Variants in SERPINA10 observed in about 807,000 individuals in gnomAD.
The protein encoded by SERPINA10 is protein Z-dependent protease inhibitor.
Under a neutral mutation model 28.0 loss-of-function variants are expected in SERPINA10, and 24 were observed. The ratio of observed to expected loss-of-function variants is 0.86; its 90% CI spans 0.62 to 1.20. The LOEUF is 1.20. SERPINA10 is among the 50% of genes most tolerant of loss of function. The pLI is 0.00. For synonymous variants in SERPINA10, 207 were observed against 203.9 expected (o/e 1.02, Z -0.13); for missense variants, 521 against 537.7 (o/e 0.97, Z 0.31).
At chr14:94,292,757 T>C in intron 1 of SERPINA10, 1 of 695,392 alleles carries the variant, frequency 1.4e-6, no homozygotes, top group Non-Finnish European at 2.6e-6. Context: ...CAGGGGGTGC[T>C]CCTGGACTAG....
At chr14:94,288,842 A>T (rs1016183873) in intron 2 of SERPINA10, among the ~76,000 whole-genome samples, 1 of 152,168 alleles carries the variant, frequency 6.6e-6, no homozygotes, top group African/African-American at 2.4e-5. Flanking sequence ...AATGTTTCCT[A>T]ACAATCCCTG....
Position 94,286,135 on chromosome 14 carries a change from A to G in SERPINA10, c.1116T>C (p.Ala372=), listed in dbSNP as rs1026560598. The G allele has an allele frequency of 6.2e-7, 1 of 1,614,024 alleles. No homozygotes were observed. Among genetic ancestry groups the G allele is most frequent in the Non-Finnish European group, 8.5e-7 (1 of 1,180,024 alleles). Residue 372 remains alanine, a synonymous_variant, in exon 4 of 5, where the codon GCT becomes GCC. Transcript: ENST00000261994. ...TGGATACTTGGAGATTTCTTCCAGT[A>G]GCTGAGAGTTCACTAAGGTCAGCAA... The part of the protein sequence containing the change: ...SPFADLSELS[A]TGRNLQVSRV...
In SERPINA10 at chr14:94,288,268, T is replaced by C. The variant is rs1895071988; in HGVS notation, c.992+18A>G. 6.2e-7 allele frequency: 1 copy of C among 1,612,758 alleles called. No individual in the cohort carries two copies. Among genetic ancestry groups the C allele is most frequent in the South Asian group, 1.1e-5 (1 of 91,022 alleles). On this transcript the variant is annotated intron_variant, in intron 3 of 4. Transcript: ENST00000261994. ...ACAGAAAGGTAGAGTTTGTATAGGGTGTGGGCAAGAGTTGTACCTGGTTTT... is the reference window on the plus strand; with the variant it reads ...ACAGAAAGGTAGAGTTTGTATAGGGCGTGGGCAAGAGTTGTACCTGGTTTT...
In SERPINA10 at chr14:94,282,549, T is replaced by A. The variant is rs1388504931; in HGVS notation, c.*1416A>T. 1 of 152,222 alleles carries A rather than the reference T, an allele frequency of 6.6e-6. No individual in the cohort carries two copies. Among genetic ancestry groups the A allele is most frequent in the Non-Finnish European group, 1.5e-5 (1 of 68,072 alleles). 9.4% of individuals were successfully genotyped at this position (152,222 alleles called of 1,614,324 possible). ...GATGGAAGGAAGAGTAAAAAGGGCTTGGAGACTAGACTCAGGAAAGGTAGG... is the reference window on the plus strand; with the variant it reads ...GATGGAAGGAAGAGTAAAAAGGGCTAGGAGACTAGACTCAGGAAAGGTAGG... On this transcript the variant is annotated 3_prime_UTR_variant, in exon 5 of 5. Transcript: ENST00000261994.
At chr14:94,284,329 G>A (rs1043262078) in intron 4 of SERPINA10, among the ~76,000 whole-genome samples, 173 bp from the exon 5 acceptor site, 2 of 152,186 alleles carry the variant, frequency 1.3e-5, no homozygotes, top group African/African-American at 2.4e-5. Flanking sequence ...ACCAGGGACT[G>A]CCACAGGAGT....
Position 94,289,895 on chromosome 14 carries a change from C to T in SERPINA10, c.699G>A (p.Val233=). 6.2e-7 allele frequency: 1 copy of T among 1,614,030 alleles called. No individual in the cohort carries two copies. The highest frequency in any genetic ancestry group is 1.3e-5 in the African/African-American group (1 of 74,994). The change falls in exon 2 of 5, where the codon GTG becomes GTA. Residue 233 remains valine (V), a synonymous_variant. Transcript: ENST00000261994. ...AAGTACCTTTGAACAAGATGTAATC[C>T]ACAAGAATTAATTTGGTTTCAGGAT... The part of the protein sequence containing the change: ...EINPETKLIL[V]DYILFKGKWL...
Position 94,283,866 on chromosome 14 carries a change from G to A in SERPINA10, c.*99C>T. 1 of 1,211,982 alleles carries A rather than the reference G, an allele frequency of 8.3e-7. No homozygotes were observed. Among genetic ancestry groups the A allele is most frequent in the Non-Finnish European group, 1.2e-6 (1 of 818,110 alleles). 75.1% of individuals were successfully genotyped at this position (1,211,982 alleles called of 1,614,324 possible). ...ACCCTAAACTAGTTAAGAACAAAAG[G>A]AACACTCTCCCCTGCCATCCATTGC... On this transcript the variant is annotated 3_prime_UTR_variant, in exon 5 of 5. Coordinates refer to ENST00000261994, the MANE Select transcript of SERPINA10 (RefSeq NM_001100607.3).
In SERPINA10 at chr14:94,288,391, G is replaced by A. The variant is rs1895077119; in HGVS notation, c.887C>T (p.Ala296Val). The change falls in exon 3 of 5, where the codon GCC (alanine) becomes GTC (valine). Residue 296 changes from alanine to valine, a missense_variant. Coordinates refer to ENST00000261994, the MANE Select transcript of SERPINA10 (RefSeq NM_001100607.3). ...CTCCATGAGGACCACCAGCATGGTGGCATTTCCTTGGTAGGGCAGTTTGAG... is the reference window on the plus strand; with the variant it reads ...CTCCATGAGGACCACCAGCATGGTGACATTTCCTTGGTAGGGCAGTTTGAG... ...HVLKLPYQGN[A>V]TMLVVLMEKM... is the part of the protein sequence containing the mutation. 6.2e-7 allele frequency: 1 copy of A among 1,614,116 alleles called. No individual in the cohort carries two copies.
chr14:94,286,128 T>A lies in SERPINA10; in HGVS notation c.1123A>T (p.Arg375Ter), dbSNP rs772368557. 64 of 1,614,028 alleles carry A rather than the reference T, an allele frequency of 4.0e-5. No homozygotes were observed. Among genetic ancestry groups the A allele is most frequent in the Non-Finnish European group, 5.2e-5 (61 of 1,180,018 alleles). Residue 375 changes from arginine (R) to a stop codon, truncating the protein, a stop_gained, in exon 4 of 5, where the codon AGA becomes TGA. Coordinates refer to ENST00000261994, the MANE Select transcript of SERPINA10 (RefSeq NM_001100607.3). LOFTEE classifies it low-confidence loss of function (END_TRUNC). ...CTTACCCTGGATACTTGGAGATTTC[T>A]TCCAGTAGCTGAGAGTTCACTAAGG... is the stretch of plus-strand genomic sequence containing the variant. ...ADLSELSATG[R>*]NLQVSRVLQR...
rs1595561884 is a variant in SERPINA10, at chr14:94,281,917, T to G, written c.*2048A>C. 6.5e-6 allele frequency: 1 copy of G among 152,672 alleles called. No individual in the cohort carries two copies. The highest frequency in any genetic ancestry group is 1.9e-4 in the East Asian group (1 of 5,152). The allele number at this position is 152,672 out of a possible 1,614,324, so 9.5% of individuals were successfully genotyped here. A position where few individuals can be genotyped will look rare whatever the true frequency, so the allele number is the denominator to read the frequency against. Reference sequence around the variant, plus strand: ...ATTTCATCTCTTAAAAGTGGGAAATTGGACTGGATGCTACTTTATTCCTCT... The same window carrying G: ...ATTTCATCTCTTAAAAGTGGGAAATGGGACTGGATGCTACTTTATTCCTCT... On this transcript the variant is annotated 3_prime_UTR_variant, in exon 5 of 5. Coordinates refer to ENST00000261994, the MANE Select transcript of SERPINA10 (RefSeq NM_001100607.3).
chr14:94,286,200 G>A lies in SERPINA10; in HGVS notation c.1051C>T (p.Leu351=). Residue 351 remains leucine (L), a synonymous_variant, in exon 4 of 5, where the codon CTG becomes TTG. Transcript: ENST00000261994. ...KLDQKYEMHE[L]LRQMGIRRIF... ...CTTCTGATTCCCATCTGCCTAAGCA[G>A]CTCATGCATCTCATACTTCTGATCT... is the stretch of plus-strand genomic sequence containing the variant. The A allele has an allele frequency of 6.2e-7, 1 of 1,614,080 alleles. No homozygotes were observed.
At chr14:94,284,464 C>T (rs1894973841) in intron 4 of SERPINA10, among the ~76,000 whole-genome samples, 1 of 152,196 alleles carries the variant, frequency 6.6e-6, no homozygotes, top group Admixed American at 6.5e-5. Flanking sequence ...GTAATTTATG[C>T]TACTAATTCT....
At chr14:94,292,301 G>A (rs927391767) in intron 1 of SERPINA10, among the ~76,000 whole-genome samples, 3 of 152,180 alleles carry the variant, frequency 2.0e-5, no homozygotes, top group South Asian at 2.1e-4. Flanking sequence ...GGGAGGACAC[G>A]GTGCGAAGGT....
intron 4 of SERPINA10, among the ~76,000 whole-genome samples, chr14:94,284,416 C>G (rs1384288888): frequency 6.6e-6 from 1 of 152,202 alleles, no homozygotes; most frequent in Non-Finnish European, 1.5e-5. Flanking sequence ...CGGGCATGGA[C>G]TCAGGATGCA....
intron 2 of SERPINA10, 86 bp from the exon 3 acceptor site, chr14:94,288,645 T>C (rs1895085434): frequency 1.3e-6 from 2 of 1,540,396 alleles, no homozygotes; most frequent in East Asian, 2.3e-5. Context: ...GGGAGCCTTC[T>C]ATCTCACTTC....
In SERPINA10 at chr14:94,286,133, G is replaced by C; in HGVS notation, c.1118C>G (p.Thr373Ser). The part of the protein sequence containing the change: ...PFADLSELSA[T>S]GRNLQVSRVL... Reference sequence around the variant, plus strand: ...CCTGGATACTTGGAGATTTCTTCCAGTAGCTGAGAGTTCACTAAGGTCAGC... The same window carrying C: ...CCTGGATACTTGGAGATTTCTTCCACTAGCTGAGAGTTCACTAAGGTCAGC... The change falls in exon 4 of 5, where the codon ACT (threonine) becomes AGT (serine). Residue 373 changes from threonine to serine, a missense_variant. By Grantham distance (58) the Thr-to-Ser change is moderately conservative. Transcript: ENST00000261994. 6.2e-7 allele frequency: 1 copy of C among 1,614,146 alleles called. No individual in the cohort carries two copies.
intron 3 of SERPINA10, among the ~76,000 whole-genome samples, 154 bp from the exon 4 acceptor site, chr14:94,286,412 CAG>C (rs1258563734): frequency 6.6e-6 from 1 of 152,214 alleles, no homozygotes; most frequent in East Asian, 1.9e-4. Context: ...GTGGTCTACT[CAG>C]GGAAAATATT....
intron 4 of SERPINA10, 65 bp from the exon 5 acceptor site, chr14:94,284,221 C>A: frequency 7.0e-7 from 1 of 1,431,588 alleles, no homozygotes; most frequent in Non-Finnish European, 9.7e-7. Context: ...TTAAATGAGC[C>A]CCTTGAAATT....
intron 1 of SERPINA10, among the ~76,000 whole-genome samples, chr14:94,291,497 C>T (rs535359780): frequency 1.3e-5 from 2 of 152,380 alleles, no homozygotes; most frequent in African/African-American, 4.8e-5. Context: ...AAATACATGG[C>T]TTGGGACTGG....
Sources: gnomAD v4.1 joint callset for allele counts (sites outside exome capture counted in the v4.1 genomes callset) on GRCh38, gnomAD v4.1.1 for gene constraint, MANE v1.5 for transcripts, NCBI Gene and HGNC (gene_info 2026-07-23, HGNC 2026-07-21) for gene names.